The following PLCH2 variants were observed in gnomAD, a reference collection of about 807,000 sequenced individuals.
The protein encoded by PLCH2 is phospholipase C eta 2.
A neutral mutation model predicts 134.7 loss-of-function variants in PLCH2; 98 were observed. That is an observed-to-expected ratio of 0.73 (90% CI 0.62 to 0.86). The LOEUF is 0.86. Among genes scored for constraint, PLCH2 ranks in the 40% least tolerant of loss-of-function variants. The pLI is 0.00. For synonymous variants in PLCH2, 974 were observed against 827.5 expected (o/e 1.18, Z -3.04); for missense variants, 1,994 against 1,986.6 (o/e 1.00, Z -0.07).
intron 9 of PLCH2, 112 bp downstream of exon 9, chr1:2,489,490 G>C: frequency 8.6e-7 from 1 of 1,164,020 alleles, no homozygotes; most frequent in Admixed American, 2.1e-5. Context: ...ATATCTAGGG[G>C]GCTGAGGGCT....
chr1:2,498,235 A>T lies in PLCH2; in HGVS notation c.2225-288A>T. ...ACTGTCACCAGAGACCCCACCCCTC[A>T]TACCCCCAGGGACCCAGACCCACCC... is the stretch of plus-strand genomic sequence containing the variant. On this transcript the variant is annotated intron_variant, in intron 16 of 21. Transcript: ENST00000378486. This position sits in a 1 kb window ranked among gnomAD's most constrained non-coding sequence, Gnocchi z 5.4. 5.5e-6 allele frequency: 2 copies of T among 362,540 alleles called. No homozygotes were observed. The highest frequency in any genetic ancestry group is 1.0e-5 in the Non-Finnish European group (2 of 197,814). The allele number at this position is 362,540 out of a possible 1,614,324, so 22.5% of individuals were successfully genotyped here.
At position 2,494,911 on chromosome 1, in the gene PLCH2, A is replaced by G. The variant is rs1416722175; in HGVS notation, c.1715A>G (p.Asn572Ser). ...GAGGATGCCGGGGCCAGCAGACGCA[A>G]TGGCCGCCTCGTCGTGGGAAGCTTC... is the stretch of plus-strand genomic sequence containing the variant. ...SGEDAGASRR[N>S]GRLVVGSFSR... is the part of the protein sequence containing the mutation. Residue 572 changes from asparagine (N) to serine (S), a missense_variant, in exon 12 of 22, where the codon AAT becomes AGT. By Grantham distance (46) the Asn-to-Ser change is conservative (BLOSUM62 1). Around this residue, in one of 2 missense-constraint regions of PLCH2, gnomAD observed 1,094 missense variants for 1,234.3 expected, o/e 0.89. Coordinates refer to ENST00000378486, the MANE Select transcript of PLCH2 (RefSeq NM_014638.4). 1 of 1,604,726 alleles carries G rather than the reference A, an allele frequency of 6.2e-7. No individual in the cohort carries two copies. Among genetic ancestry groups the G allele is most frequent in the Admixed American group, 1.7e-5 (1 of 59,170 alleles).
At chr1:2,443,529 G>A (rs1306757589) in intron 2 of PLCH2, among the ~76,000 whole-genome samples, 2 of 152,092 alleles carry the variant, frequency 1.3e-5, no homozygotes, top group Admixed American at 6.5e-5. Context: ...GTGGGGAGCG[G>A]AAGGCCGCAG....
At chr1:2,416,319 A>G in the PLCH2 span, among the ~76,000 whole-genome samples, 3 of 152,156 alleles carry the variant, frequency 2.0e-5, no homozygotes, top group African/African-American at 7.2e-5. Flanking sequence ...GGGGTGTGGC[A>G]GTGTCCCCTC....
chr1:2,423,653 A>T (rs1638633668), upstream of PLCH2, among the ~76,000 whole-genome samples: 1 of 152,102 alleles, frequency 6.6e-6, no homozygotes. Flanking sequence ...TGGAAAATGC[A>T]TTTGCTGGTG....
chr1:2,445,627 G>T (rs12727176), intron 2 of PLCH2, among the ~76,000 whole-genome samples: 1 of 151,886 alleles, frequency 6.6e-6, no homozygotes. Context: ...TGACCAGGTA[G>T]GGACCCTGCC....
intron 11 of PLCH2, chr1:2,494,601 G>A (rs1642772892): frequency 3.4e-6 from 2 of 580,058 alleles, no homozygotes; most frequent in Non-Finnish European, 6.2e-6. Flanking sequence ...GTGAGCGAAT[G>A]TTTCCACCGG....
chr1:2,488,000 C>A (rs1026144818), intron 8 of PLCH2, among the ~76,000 whole-genome samples: 2 of 152,248 alleles, frequency 1.3e-5, no homozygotes, highest in Non-Finnish European at 2.9e-5. Flanking sequence ...ACACTCATCA[C>A]CCCTGAGAAG....
upstream of PLCH2, among the ~76,000 whole-genome samples, chr1:2,474,126 G>C (rs1641485857): frequency 1.3e-5 from 2 of 152,198 alleles, no homozygotes; most frequent in African/African-American, 2.4e-5. Context: ...TGTGGGGCTG[G>C]GCTCGCCTGC....
upstream of PLCH2, among the ~76,000 whole-genome samples, chr1:2,424,797 C>A (rs898104502): frequency 2.6e-5 from 4 of 152,252 alleles, no homozygotes; most frequent in East Asian, 3.9e-4. Context: ...ACCATCCTGG[C>A]TAACACAGTG....
At chr1:2,453,056 G>T (rs72915783) in intron 2 of PLCH2, among the ~76,000 whole-genome samples, 1 of 151,898 alleles carries the variant, frequency 6.6e-6, no homozygotes, top group Admixed American at 6.6e-5. Flanking sequence ...ATTCCTGGTC[G>T]GGGCGCCCCC....
In PLCH2 at chr1:2,498,516, C is replaced by T. The variant is rs780714434; in HGVS notation, c.2225-7C>T. On this transcript the variant is annotated splice_region_variant and splice_polypyrimidine_tract_variant and intron_variant, in intron 16 of 21. Coordinates refer to ENST00000378486, the MANE Select transcript of PLCH2 (RefSeq NM_014638.4). The surrounding 1 kb of genome is among the most constrained non-coding windows in gnomAD (Gnocchi z 5.4). ...GGCCACTGACCACCTCCCCGGCATC[C>T]CCTCAGGCGTGTTCAACCCCAACTC... 1.9e-6 allele frequency: 3 copies of T among 1,603,168 alleles called. No homozygotes were observed. Among genetic ancestry groups the T allele is most frequent in the South Asian group, 1.1e-5 (1 of 90,068 alleles).
At chr1:2,419,252 G>A in the PLCH2 span, among the ~76,000 whole-genome samples, 1 of 152,186 alleles carries the variant, frequency 6.6e-6, no homozygotes, top group African/African-American at 2.4e-5. Context: ...TGGAGGCCTT[G>A]GGCTGTGCTG....
intron 1 of PLCH2, among the ~76,000 whole-genome samples, chr1:2,429,539 C>G (rs945339338): frequency 6.6e-6 from 1 of 152,102 alleles, no homozygotes; most frequent in Non-Finnish European, 1.5e-5. Context: ...TGGGACGGAA[C>G]CCCTGGGCCA....
chr1:2,490,256 T>C (rs1642500712), intron 10 of PLCH2, among the ~76,000 whole-genome samples: 1 of 152,164 alleles, frequency 6.6e-6, no homozygotes, highest in South Asian at 2.1e-4. Context: ...TTCCCGCCCT[T>C]TTCCTCACCA....
At chr1:2,494,654 C>T (rs1230808686) in intron 11 of PLCH2, among the ~76,000 whole-genome samples, 1 of 152,196 alleles carries the variant, frequency 6.6e-6, no homozygotes, top group Non-Finnish European at 1.5e-5. Flanking sequence ...CTGCCTCTGC[C>T]CCAGGGTGGA....
upstream of PLCH2, among the ~76,000 whole-genome samples, chr1:2,424,228 G>A (rs1023417662): frequency 6.6e-6 from 1 of 152,098 alleles, no homozygotes; most frequent in Non-Finnish European, 1.5e-5. Context: ...CATTTGACAT[G>A]TACTCTTAGC....
intron 1 of PLCH2, among the ~76,000 whole-genome samples, chr1:2,429,612 G>T (rs138712553): frequency 5.3e-5 from 8 of 152,302 alleles, no homozygotes; most frequent in African/African-American, 1.7e-4. Flanking sequence ...TAGGGGTTTG[G>T]AGCTCAGCCA....
chr1:2,438,922 A>G (rs1376742467), intron 2 of PLCH2, among the ~76,000 whole-genome samples: 1 of 152,158 alleles, frequency 6.6e-6, no homozygotes, highest in South Asian at 2.1e-4. Context: ...GTTTTGCCCC[A>G]CTTCGCCGGC....
Sources: gnomAD v4.1 joint callset for allele counts (sites outside exome capture counted in the v4.1 genomes callset) on GRCh38, gnomAD v4.1.1 for gene constraint, gnomAD v4.1.1 regional missense constraint, Gnocchi (gnomAD v3.1) non-coding constraint, MANE v1.5 for transcripts, NCBI Gene and HGNC (gene_info 2026-07-23, HGNC 2026-07-21) for gene names.